Variants in CNTN4 observed in about 807,000 individuals in gnomAD.
CNTN4 encodes the protein contactin-4.
Under a neutral mutation model 122.5 loss-of-function variants are expected in CNTN4, and 77 were observed. That is an observed-to-expected ratio of 0.63 (90% CI 0.52 to 0.76). The LOEUF (loss-of-function observed/expected upper bound fraction) is 0.76, where lower values mean the gene tolerates loss of function less well. Among genes scored for constraint, CNTN4 ranks in the 30% least tolerant of loss-of-function variants. The pLI is 0.00. For synonymous variants in CNTN4, 512 were observed against 447.0 expected, an observed-to-expected ratio of 1.15 and a Z score of -1.83; for missense variants, 1,256 against 1,259.1, an observed-to-expected ratio of 1.00 and a Z score of 0.04.
chr3:2,250,661 C>G (rs1282708314), intron 2 of CNTN4, among the ~76,000 whole-genome samples: 1 of 151,834 alleles, frequency 6.6e-6, no homozygotes, highest in Non-Finnish European at 1.5e-5. Context: ...GGAACCCTTG[C>G]TCATGAAGGA....
intron 4 of CNTN4, among the ~76,000 whole-genome samples, chr3:2,731,271 A>T (rs2088660040): frequency 6.6e-6 from 1 of 152,102 alleles, no homozygotes. Context: ...TTGAAGCATG[A>T]AAGCAGATTT....
chr3:2,469,579 C>T (rs962954653), intron 3 of CNTN4, among the ~76,000 whole-genome samples: 1 of 152,168 alleles, frequency 6.6e-6, no homozygotes, highest in Non-Finnish European at 1.5e-5. Flanking sequence ...AATATTCTAA[C>T]ACTGGGTCAA....
intron 4 of CNTN4, among the ~76,000 whole-genome samples, chr3:2,605,318 A>C (rs1277420332): frequency 6.6e-6 from 1 of 152,334 alleles, no homozygotes. Context: ...AGAGACCAGG[A>C]TATCTGGAGT....
chr3:2,122,648 T>G (rs766214169), intron 2 of CNTN4, among the ~76,000 whole-genome samples: 4 of 152,228 alleles, frequency 2.6e-5, no homozygotes, highest in Non-Finnish European at 4.4e-5. Context: ...AAAAATACTG[T>G]ATTGTACATT....
In CNTN4 at chr3:2,571,626, G is replaced by A. The variant is rs925831324; in HGVS notation, c.55+68G>A. On this transcript the variant is annotated intron_variant, in intron 4 of 24. Coordinates refer to ENST00000418658, the MANE Select transcript of CNTN4 (RefSeq NM_175607.3). ...GTATTTCACACTAATTCAAAAGTGG[G>A]CCTTCACTTTAGACGGCAATGATAA... 18 of 1,154,700 alleles carry A rather than the reference G, an allele frequency of 1.6e-5. No homozygotes were observed. In the African/African-American group the frequency reaches 1.8e-4, roughly 12 times the overall value. The allele number at this position is 1,154,700 out of a possible 1,614,324, so 71.5% of individuals were successfully genotyped here. A position where few individuals can be genotyped will look rare whatever the true frequency, so the allele number is the denominator to read the frequency against.
chr3:2,689,921 C>A (rs1410844891), intron 4 of CNTN4, among the ~76,000 whole-genome samples: 1 of 151,966 alleles, frequency 6.6e-6, no homozygotes, highest in Non-Finnish European at 1.5e-5. Context: ...GAGGTAGGGG[C>A]GTGTGTGTTT....
chr3:2,966,822 C>T lies in CNTN4; in HGVS notation c.1359-21523C>T, dbSNP rs1293956413. ...GAATAAATAAAAGGCATTGTATCTTCTCTACATAGACAGATTATTTTAATC... is the reference window on the plus strand; with the variant it reads ...GAATAAATAAAAGGCATTGTATCTTTTCTACATAGACAGATTATTTTAATC... On this transcript the variant is annotated intron_variant, in intron 13 of 24. Coordinates refer to ENST00000418658, the MANE Select transcript of CNTN4 (RefSeq NM_175607.3). Among the ~76,000 whole-genome samples the T allele has an allele frequency of 3.3e-5, 5 of 152,178 alleles. 1 individual carries two copies. Among genetic ancestry groups the T allele is most frequent in the Admixed American group, 1.3e-4 (2 of 15,280 alleles).
At chr3:2,692,266 G>C (rs951252528) in intron 4 of CNTN4, among the ~76,000 whole-genome samples, 7 of 152,168 alleles carry the variant, frequency 4.6e-5, no homozygotes, top group Non-Finnish European at 8.8e-5. Flanking sequence ...GCTTCTAAGA[G>C]AGTTTGATGT....
At chr3:2,270,154 T>C (rs1221336794) in intron 2 of CNTN4, among the ~76,000 whole-genome samples, 1 of 50,548 alleles carries the variant, frequency 2.0e-5, no homozygotes, top group Non-Finnish European at 5.0e-5. Flanking sequence ...TTTCACCTTG[T>C]TAGCCAGGAT....
At chr3:2,810,764 G>A (rs1008384891) in intron 6 of CNTN4, among the ~76,000 whole-genome samples, 1 of 152,190 alleles carries the variant, frequency 6.6e-6, no homozygotes, top group Non-Finnish European at 1.5e-5. Context: ...TTAATAGCAA[G>A]GTCATACTTT....
intron 3 of CNTN4, among the ~76,000 whole-genome samples, chr3:2,345,936 T>C (rs540556340): frequency 9.8e-5 from 15 of 152,330 alleles, no homozygotes; most frequent in African/African-American, 3.6e-4. Flanking sequence ...TAAATTTGCC[T>C]GAGATTTCCT....
intron 2 of CNTN4, among the ~76,000 whole-genome samples, chr3:2,213,825 GT>G (rs2038722615): frequency 6.6e-6 from 1 of 152,040 alleles, no homozygotes; most frequent in East Asian, 1.9e-4. Context: ...TTGTGGATGT[GT>G]TTTTGTTGTT....
chr3:2,613,541 C>T (rs2081587254), intron 4 of CNTN4, among the ~76,000 whole-genome samples: 1 of 152,088 alleles, frequency 6.6e-6, no homozygotes, highest in South Asian at 2.1e-4. Flanking sequence ...CACATTTATA[C>T]ATTCATATTA....
At chr3:2,542,270 A>G (rs1326510491) in intron 3 of CNTN4, among the ~76,000 whole-genome samples, 2 of 152,176 alleles carry the variant, frequency 1.3e-5, no homozygotes, top group African/African-American at 2.4e-5. Context: ...TCCTGGATAA[A>G]TAAGAAGCCT....
chr3:2,370,847 C>T (rs76191001), intron 3 of CNTN4, among the ~76,000 whole-genome samples: 2,663 of 152,258 alleles, frequency 0.017, 79 homozygotes, highest in African/African-American at 0.061. Context: ...CCCCCCACCT[C>T]CCTCTTTTGG....
Position 2,699,725 on chromosome 3 carries a change from T to C in CNTN4, c.56-36490T>C, listed in dbSNP as rs375743723. On this transcript the variant is annotated intron_variant, in intron 4 of 24. Coordinates refer to ENST00000418658, the MANE Select transcript of CNTN4 (RefSeq NM_175607.3). ...AATTAACAATATGTGAATTCAGTGG[T>C]TTCACCAGTGTAGCCTCTTGAGCAA... 8.5e-5 allele frequency among the ~76,000 whole-genome samples: 13 copies of C among 152,280 alleles called. No homozygotes were observed. In the East Asian group the frequency reaches 1.9e-3, roughly 23 times the overall value.
At chr3:3,003,691 A>G (rs773457003) in intron 14 of CNTN4, among the ~76,000 whole-genome samples, 11,532 of 141,924 alleles carry the variant, frequency 0.081, 643 homozygotes, top group African/African-American at 0.16. Context: ...CACCAAAAAA[A>G]AAAAAAAAAA....
chr3:3,049,150 T>C (rs994467655), intron 23 of CNTN4, among the ~76,000 whole-genome samples: 35 of 152,232 alleles, frequency 2.3e-4, no homozygotes, highest in African/African-American at 8.4e-4. Flanking sequence ...TGGTACAATC[T>C]TGGCTCACTG....
intron 4 of CNTN4, among the ~76,000 whole-genome samples, chr3:2,575,806 C>T (rs1240559494): frequency 3.7e-5 from 4 of 106,720 alleles, no homozygotes. Context: ...CTTTCTTCTT[C>T]TTCTTTTTTT....
Sources: allele counts gnomAD v4.1 joint callset (sites outside exome capture counted in the v4.1 genomes callset), GRCh38; gene constraint gnomAD v4.1.1; transcripts MANE v1.5; gene names NCBI Gene and HGNC (gene_info 2026-07-23, HGNC 2026-07-21).